The following LARGE1 variants were observed in gnomAD, a reference collection of about 807,000 sequenced individuals.
The protein encoded by LARGE1 is xylosyl- and glucuronyltransferase LARGE1.
LARGE1 carries 43 observed loss-of-function variants against 87.6 expected under a neutral mutation model. That is an observed-to-expected ratio of 0.49 (90% CI 0.38 to 0.63). The LOEUF (loss-of-function observed/expected upper bound fraction) is 0.63. Ranked by LOEUF, LARGE1 falls within the 30% of genes least tolerant of loss-of-function variation. LARGE1 has a pLI of 0.00. For missense variants in LARGE1, 802 were observed against 1,000.2 expected, an observed-to-expected ratio of 0.80 and a Z score of 2.67; for synonymous variants, 434 against 394.6, an observed-to-expected ratio of 1.10 and a Z score of -1.18.
chr22:33,475,186 A>G (rs906794054), intron 6 of LARGE1, among the ~76,000 whole-genome samples: 1 of 152,126 alleles, frequency 6.6e-6, no homozygotes, highest in African/African-American at 2.4e-5. Context: ...GAAGATGAAT[A>G]CTGGGGTGGG....
chr22:33,273,369 T>C lies in LARGE1; in HGVS notation c.*1058A>G. ...CAAGAACCAGAGGAACCCAATCACT[T>C]TCTTCCTGTAGGTCTCCAGATGGAT... is the stretch of plus-strand genomic sequence containing the variant. On this transcript the variant is annotated 3_prime_UTR_variant, in exon 15 of 15. Transcript: ENST00000397394. 1 of 398,932 alleles carries C rather than the reference T, an allele frequency of 2.5e-6. No individual in the cohort carries two copies. The allele number at this position is 398,932 out of a possible 1,614,324, so 24.7% of individuals were successfully genotyped here. A position where few individuals can be genotyped will look rare whatever the true frequency, so the allele number is the denominator to read the frequency against.
chr22:33,775,890 A>T (rs1418485334), intron 1 of LARGE1, among the ~76,000 whole-genome samples: 1 of 150,488 alleles, frequency 6.6e-6, no homozygotes, highest in Admixed American at 6.6e-5. Context: ...GTGGGATGCT[A>T]CCAGCATCGG....
intron 1 of LARGE1, among the ~76,000 whole-genome samples, chr22:33,867,619 G>A (rs1352232927): frequency 1.3e-5 from 2 of 152,214 alleles, no homozygotes; most frequent in African/African-American, 4.8e-5. Context: ...CTGTTTCATA[G>A]GTTTGCAGCT....
intron 2 of LARGE1, among the ~76,000 whole-genome samples, chr22:33,735,488 A>T (rs1210396672): frequency 6.6e-6 from 1 of 152,002 alleles, no homozygotes. Flanking sequence ...AGAGGGAAAA[A>T]TTGATTTTTT....
chr22:33,131,033 CAAAAAAAAAAAAA>C, the LARGE1 span, among the ~76,000 whole-genome samples: 2 of 70,938 alleles, frequency 2.8e-5, no homozygotes, highest in African/African-American at 5.7e-5. Flanking sequence ...GACTCCGTCT[CAAAAAAAAAAAAA>C]AAAAAAAAAA....
At chr22:33,230,561 C>A (rs1925959194) in intron 11 of LARGE1, among the ~76,000 whole-genome samples, 1 of 152,152 alleles carries the variant, frequency 6.6e-6, no homozygotes, top group African/African-American at 2.4e-5. Flanking sequence ...AGAAAGGAAG[C>A]CCAAAGCAAA....
downstream of LARGE1, among the ~76,000 whole-genome samples, chr22:33,271,826 T>C (rs1330277935): frequency 2.0e-5 from 3 of 152,354 alleles, no homozygotes; most frequent in East Asian, 5.8e-4. Context: ...CGCCAATGTC[T>C]GAGCTCCAGC....
At chr22:33,097,908 A>G in the LARGE1 span, among the ~76,000 whole-genome samples, 1 of 152,232 alleles carries the variant, frequency 6.6e-6, no homozygotes, top group Non-Finnish European at 1.5e-5. Context: ...CCATTACTAT[A>G]TAACTGGATA....
the LARGE1 span, among the ~76,000 whole-genome samples, chr22:33,111,423 A>G: frequency 6.6e-6 from 1 of 152,180 alleles, no homozygotes; most frequent in East Asian, 1.9e-4. Flanking sequence ...TTATAGCCAC[A>G]CAAAGGTAGG....
intron 1 of LARGE1, among the ~76,000 whole-genome samples, chr22:33,909,522 G>GTTTTTTT (rs113177754): frequency 2.1e-5 from 3 of 143,212 alleles, no homozygotes; most frequent in Non-Finnish European, 3.1e-5. Flanking sequence ...TTCTTCTTTT[G>GTTTTTTT]TTTTTTTTTT....
intron 2 of LARGE1, among the ~76,000 whole-genome samples, chr22:33,663,007 A>T (rs16992749): frequency 6.6e-6 from 1 of 152,188 alleles, no homozygotes; most frequent in African/African-American, 2.4e-5. Flanking sequence ...TTCCAATTCC[A>T]ACAAGTATCT....
chr22:33,703,297 C>T (rs1347014078), intron 2 of LARGE1, among the ~76,000 whole-genome samples: 5 of 144,438 alleles, frequency 3.5e-5, no homozygotes, highest in African/African-American at 5.2e-5. Flanking sequence ...CACTGTGGCA[C>T]ATGTATACCT....
chr22:33,805,772 T>TAAATAAATAAATAAAA (rs2086289566), intron 1 of LARGE1, among the ~76,000 whole-genome samples: 1 of 143,896 alleles, frequency 6.9e-6, no homozygotes, highest in African/African-American at 2.5e-5. Context: ...AATAAATAAA[T>TAAATAAATAAATAAAA]AAATAAATAA....
At chr22:33,125,464 G>A in the LARGE1 span, among the ~76,000 whole-genome samples, 1 of 79,584 alleles carries the variant, frequency 1.3e-5, no homozygotes, top group Non-Finnish European at 2.7e-5. Context: ...TTTTTTTTTT[G>A]AGACAGAGTT....
intron 11 of LARGE1, among the ~76,000 whole-genome samples, chr22:33,233,855 T>A (rs1313508590): frequency 1.3e-5 from 2 of 152,214 alleles, no homozygotes; most frequent in Non-Finnish European, 1.5e-5. Flanking sequence ...GATAGTGTTT[T>A]CTCTCTGCAT....
At chr22:33,135,711 A>G in the LARGE1 span, among the ~76,000 whole-genome samples, 2 of 152,204 alleles carry the variant, frequency 1.3e-5, no homozygotes, top group Non-Finnish European at 2.9e-5. Flanking sequence ...ACGGTGGCAC[A>G]TGCCTGTAGT....
the LARGE1 span, among the ~76,000 whole-genome samples, chr22:33,074,606 C>A: frequency 6.6e-6 from 1 of 150,640 alleles, no homozygotes; most frequent in Non-Finnish European, 1.5e-5. Flanking sequence ...ACCAGGGAGA[C>A]GGAGGATGCA....
intron 1 of LARGE1, among the ~76,000 whole-genome samples, chr22:33,887,025 C>T (rs942333980): frequency 2.6e-5 from 4 of 152,028 alleles, no homozygotes; most frequent in Non-Finnish European, 4.4e-5. Context: ...GGTGAAAAAG[C>T]GGTAATTAAA....
chr22:33,367,181 T>TA (rs199673054), intron 9 of LARGE1, among the ~76,000 whole-genome samples: 1,780 of 152,262 alleles, frequency 0.012, 23 homozygotes, highest in African/African-American at 0.035. Context: ...CTGTTTGCTT[T>TA]ATCTTTGCTG....
Sources: gnomAD v4.1 joint callset for allele counts (sites outside exome capture counted in the v4.1 genomes callset) on GRCh38, gnomAD v4.1.1 for gene constraint, MANE v1.5 for transcripts, NCBI Gene and HGNC (gene_info 2026-07-23, HGNC 2026-07-21) for gene names.